Variants in LAMA2 observed in about 807,000 individuals in gnomAD.
The protein encoded by LAMA2 is laminin subunit alpha-2.
A neutral mutation model predicts 364.8 loss-of-function variants in LAMA2; 269 were observed. The observed-to-expected ratio is 0.74, with a 90% CI of 0.67 to 0.82. The LOEUF (loss-of-function observed/expected upper bound fraction) is 0.82. Ranked by LOEUF, LAMA2 falls within the 40% of genes least tolerant of loss-of-function variation. The pLI, the probability that LAMA2 is intolerant of heterozygous loss-of-function variation, is 0.00. For synonymous variants in LAMA2, 1,379 were observed against 1,370.6 expected (o/e 1.01, Z -0.14); for missense variants, 3,807 against 3,873.2 (o/e 0.98, Z 0.45).
chr6:129,354,656 G>A (rs118030268), intron 32 of LAMA2, among the ~76,000 whole-genome samples: 410 of 152,018 alleles, frequency 2.7e-3, no homozygotes, highest in Non-Finnish European at 5.0e-3. Context: ...CTATCCAGAA[G>A]CAAACTTGAA....
Position 129,243,920 on chromosome 6 carries a change from G to A in LAMA2, c.1783-6192G>A, listed in dbSNP as rs139575800. On this transcript the variant is annotated intron_variant, in intron 12 of 64. Transcript: ENST00000421865. ...AAGAAGAAAGCTAAGGAGAAGATGG[G>A]TAACAGGAAAAAAAGAGGGCAGGAA... 2.4e-3 allele frequency among the ~76,000 whole-genome samples: 361 copies of A among 151,832 alleles called. 1 individual carries two copies. Among genetic ancestry groups the A allele is most frequent in the African/African-American group, 8.2e-3 (339 of 41,430 alleles).
At chr6:129,065,844 GAA>G (rs1789261329) in intron 3 of LAMA2, among the ~76,000 whole-genome samples, 1 of 151,896 alleles carries the variant, frequency 6.6e-6, no homozygotes, top group Admixed American at 6.6e-5. Context: ...TCGTGGTAGT[GAA>G]AAGTCTCATG....
At chr6:129,312,797 T>C (rs1355519761) in intron 22 of LAMA2, 64 bp from the exon 23 acceptor site, 2 of 1,113,430 alleles carry the variant, frequency 1.8e-6, no homozygotes, top group East Asian at 4.8e-5. Context: ...AACATTAGAA[T>C]TAAAATTTTA....
chr6:129,468,002 T>G (rs906950923), intron 51 of LAMA2, among the ~76,000 whole-genome samples: 2 of 151,828 alleles, frequency 1.3e-5, no homozygotes, highest in African/African-American at 4.8e-5. Flanking sequence ...CATTTCTGGT[T>G]TCTAGTTCAA....
intron 62 of LAMA2, among the ~76,000 whole-genome samples, chr6:129,510,488 G>A (rs1208950057): frequency 6.6e-6 from 1 of 152,026 alleles, no homozygotes; most frequent in East Asian, 1.9e-4. Context: ...CAGTCCCGTG[G>A]TATCATAGAA....
chr6:129,083,332 G>T (rs1774182057), intron 3 of LAMA2, among the ~76,000 whole-genome samples: 1 of 152,108 alleles, frequency 6.6e-6, no homozygotes, highest in Non-Finnish European at 1.5e-5. Flanking sequence ...TGAAATGCCA[G>T]GGTAACATAA....
At chr6:129,088,627 C>T (rs1774571954) in intron 3 of LAMA2, among the ~76,000 whole-genome samples, 1 of 151,732 alleles carries the variant, frequency 6.6e-6, no homozygotes, top group Admixed American at 6.6e-5. Context: ...CTCCTCACTT[C>T]CCAGATGGGG....
At chr6:129,131,503 C>T (rs1452510856) in intron 4 of LAMA2, among the ~76,000 whole-genome samples, 1 of 152,160 alleles carries the variant, frequency 6.6e-6, no homozygotes, top group Admixed American at 6.5e-5. Flanking sequence ...TAGTCTGAGT[C>T]CAGCAAAGGA....
At chr6:128,905,379 T>C (rs1449920631) in intron 1 of LAMA2, 1 of 152,058 alleles carries the variant, frequency 6.6e-6, no homozygotes, top group Non-Finnish European at 1.5e-5. Context: ...ATTTTAACTA[T>C]TTTTTTCTGT....
At chr6:128,961,264 T>C (rs984040666) in intron 1 of LAMA2, among the ~76,000 whole-genome samples, 3 of 137,876 alleles carry the variant, frequency 2.2e-5, no homozygotes, top group Non-Finnish European at 4.7e-5. Flanking sequence ...CACTTTCTTA[T>C]TAAATTTCCC....
intron 12 of LAMA2, among the ~76,000 whole-genome samples, chr6:129,227,940 G>A (rs1365655340): frequency 6.6e-6 from 1 of 152,154 alleles, no homozygotes; most frequent in African/African-American, 2.4e-5. Context: ...AGTCTACAGA[G>A]GCAGGCAGGC....
At position 129,277,516 on chromosome 6, in the gene LAMA2, C is replaced by T. The variant is rs113587602; in HGVS notation, c.2451-2545C>T. 1.7e-3 allele frequency among the ~76,000 whole-genome samples: 262 copies of T among 152,168 alleles called. 1 individual carries two copies. The highest frequency in any genetic ancestry group is 5.7e-3 in the African/African-American group (237 of 41,530). Reference sequence around the variant, plus strand: ...TTTATGAGAAAGTTTTATTTGGATGCGTTATGTCGAGTATCTATATTACTA... The same window carrying T: ...TTTATGAGAAAGTTTTATTTGGATGTGTTATGTCGAGTATCTATATTACTA... On this transcript the variant is annotated intron_variant, in intron 17 of 64. Coordinates refer to ENST00000421865, the MANE Select transcript of LAMA2 (RefSeq NM_000426.4).
intron 3 of LAMA2, among the ~76,000 whole-genome samples, chr6:129,080,822 G>C (rs1324123060): frequency 6.6e-6 from 1 of 152,218 alleles, no homozygotes; most frequent in Admixed American, 6.5e-5. Flanking sequence ...AACCATTGTG[G>C]AAGACAGTGT....
chr6:129,378,381 A>G (rs188577627), intron 34 of LAMA2, among the ~76,000 whole-genome samples: 6 of 152,346 alleles, frequency 3.9e-5, no homozygotes, highest in African/African-American at 1.4e-4. Flanking sequence ...TTGCTTTGGC[A>G]GTGATACCAC....
chr6:128,973,024 A>C (rs1319190194), intron 1 of LAMA2, among the ~76,000 whole-genome samples: 1 of 152,188 alleles, frequency 6.6e-6, no homozygotes, highest in Non-Finnish European at 1.5e-5. Context: ...GTACAGAAAA[A>C]TAAATTATAG....
chr6:129,068,970 A>C (rs1773121060), intron 3 of LAMA2, among the ~76,000 whole-genome samples: 1 of 152,190 alleles, frequency 6.6e-6, no homozygotes. Flanking sequence ...TTTTGATCTA[A>C]AATGTTGATA....
At chr6:128,912,622 A>G (rs1042689516) in intron 1 of LAMA2, among the ~76,000 whole-genome samples, 1 of 152,242 alleles carries the variant, frequency 6.6e-6, no homozygotes, top group African/African-American at 2.4e-5. Context: ...GTGTCAATGC[A>G]TTTTGAATGA....
Position 129,369,831 on chromosome 6 carries a change from T to C in LAMA2, c.4861-61T>C, listed in dbSNP as rs920462982. The C allele has an allele frequency of 1.6e-5, 22 of 1,354,812 alleles. No homozygotes were observed. In the Admixed American group the frequency reaches 2.5e-4, roughly 15 times the overall value. 83.9% of individuals were successfully genotyped at this position (1,354,812 alleles called of 1,614,324 possible). On this transcript the variant is annotated intron_variant, in intron 33 of 64. Transcript: ENST00000421865. ...CTTTTATATACAAAAATGTGTTCTG[T>C]CGAACACTATCACTGCAAGGCCATT...
At chr6:129,251,076 C>CTCTCTCTCTATA (rs1491468271) in intron 13 of LAMA2, among the ~76,000 whole-genome samples, 13 of 49,802 alleles carry the variant, frequency 2.6e-4, no homozygotes, top group Non-Finnish European at 3.3e-4. Flanking sequence ...CTCTCTCTCT[C>CTCTCTCTCTATA]TATATATATA....
Sources: allele counts gnomAD v4.1 joint callset (sites outside exome capture counted in the v4.1 genomes callset), GRCh38; gene constraint gnomAD v4.1.1; transcripts MANE v1.5; gene names NCBI Gene and HGNC (gene_info 2026-07-23, HGNC 2026-07-21).